Variants in AMMECR1 observed in about 807,000 individuals in gnomAD.
AMMECR1 encodes the protein AMMECR nuclear protein 1, also known as nuclear protein AMMECR1.
AMMECR1 carries 3 observed loss-of-function variants against 22.5 expected under a neutral mutation model. That is an observed-to-expected ratio of 0.13 (90% confidence interval 0.06 to 0.35). The LOEUF (loss-of-function observed/expected upper bound fraction) is 0.35. AMMECR1 is among the 10% of genes least tolerant of loss of function. AMMECR1 has a pLI of 1.00. For synonymous variants in AMMECR1, 130 were observed against 116.7 expected, an observed-to-expected ratio of 1.11 and a Z score of -0.74; for missense variants, 235 against 278.7, an observed-to-expected ratio of 0.84 and a Z score of 1.12.
rs181918378 is a variant in AMMECR1 at position 110,261,097 on chromosome X, G to C, written c.584+3392C>G. On this transcript the variant is annotated intron_variant, in intron 2 of 5. Coordinates refer to ENST00000262844, the MANE Select transcript of AMMECR1 (RefSeq NM_015365.3). Reference sequence around the variant, plus strand: ...GTTTCAGTTGGGGAAGATGAAAAACGTTCTGGAGATGGATGGTGGTGATGA... The same window carrying C: ...GTTTCAGTTGGGGAAGATGAAAAACCTTCTGGAGATGGATGGTGGTGATGA... Among the ~76,000 whole-genome samples, 556 of 111,071 alleles carry C rather than the reference G, an allele frequency of 5.0e-3. 3 individuals carry two copies. The highest frequency in any genetic ancestry group is 0.023 in the Middle Eastern group (5 of 216).
chrX:110,362,411 A>G (rs777695041), intron 2 of AMMECR1, among the ~76,000 whole-genome samples: 1 of 111,925 alleles, frequency 8.9e-6, no homozygotes, highest in African/African-American at 3.2e-5. Context: ...TAACTCAAAT[A>G]CTCTGTACTA....
chrX:110,320,772 T>C (rs2068075708), upstream of AMMECR1, among the ~76,000 whole-genome samples: 1 of 112,228 alleles, frequency 8.9e-6, no homozygotes, highest in African/African-American at 3.2e-5. Context: ...ATTCCAAACC[T>C]CACTAGCATA....
chrX:110,375,243 A>G (rs1480636210), intron 2 of AMMECR1, among the ~76,000 whole-genome samples: 3 of 112,248 alleles, frequency 2.7e-5, no homozygotes, highest in Non-Finnish European at 5.6e-5. Context: ...AGTGGGAAAT[A>G]TAAGAAAGAA....
intron 2 of AMMECR1, among the ~76,000 whole-genome samples, chrX:110,425,975 TGC>T (rs1182174901): frequency 9.1e-6 from 1 of 109,991 alleles, no homozygotes; most frequent in African/African-American, 3.4e-5. Context: ...AGTGCGTGCG[TGC>T]GCGCACACAC....
chrX:110,317,885 C>T lies in AMMECR1; in HGVS notation c.187G>A (p.Gly63Ser), dbSNP rs1323087628. The change falls in exon 1 of 6, where the codon GGT (glycine) becomes AGT (serine). Residue 63 changes from glycine (G) to serine (S), a missense_variant. This residue lies in a region of AMMECR1 where 124 missense variants were observed against 97.0 expected (regional missense o/e 1.28). Coordinates refer to ENST00000262844, the MANE Select transcript of AMMECR1 (RefSeq NM_015365.3). ...GAGAGGGTACAGCCGCTGCCGCTAC[C>T]TCCTCCGGTTAGACCTCCCAGCCCG... Reference protein sequence around the residue: ...LNGLGGLTGGGSGSGCTLSPP... With the variant: ...LNGLGGLTGGSSGSGCTLSPP... 4.2e-6 allele frequency: 5 copies of T among 1,189,096 alleles called. No individual in the cohort carries two copies. Among genetic ancestry groups the T allele is most frequent in the Non-Finnish European group, 5.7e-6 (5 of 884,200 alleles).
At chrX:110,331,301 C>A (rs2068119886) in intron 2 of AMMECR1, among the ~76,000 whole-genome samples, 1 of 108,063 alleles carries the variant, frequency 9.3e-6, no homozygotes, top group African/African-American at 3.4e-5. Flanking sequence ...ACCCTGACTT[C>A]TGTAACCAAG....
chrX:110,353,292 T>G (rs978210975), intron 2 of AMMECR1, among the ~76,000 whole-genome samples: 2 of 112,258 alleles, frequency 1.8e-5, no homozygotes, highest in South Asian at 7.3e-4. Context: ...TTTCTAAATT[T>G]TTTTAGTCTC....
At chrX:110,242,779 T>C (rs2067640070) in intron 2 of AMMECR1, among the ~76,000 whole-genome samples, 1 of 112,309 alleles carries the variant, frequency 8.9e-6, no homozygotes, top group Non-Finnish European at 1.9e-5. Context: ...TAGAATATTA[T>C]ACAAGTTATA....
At chrX:110,405,090 C>G (rs1043249584) in intron 2 of AMMECR1, among the ~76,000 whole-genome samples, 1 of 60,263 alleles carries the variant, frequency 1.7e-5, no homozygotes, top group African/African-American at 1.7e-4. Flanking sequence ...TTGTTGTGTC[C>G]CCCCCCCCCC....
intron 1 of AMMECR1, among the ~76,000 whole-genome samples, chrX:110,271,990 C>A (rs2067801364): frequency 9.0e-6 from 1 of 110,777 alleles, no homozygotes; most frequent in East Asian, 2.8e-4. Flanking sequence ...CCAAAGCGGG[C>A]TGATCACGAG....
intron 2 of AMMECR1, among the ~76,000 whole-genome samples, chrX:110,260,480 A>T (rs1429412485): frequency 1.8e-5 from 2 of 111,094 alleles, no homozygotes; most frequent in African/African-American, 6.5e-5. Context: ...ACCCGGTCAT[A>T]TTTGAACATA....
chrX:110,353,505 T>C (rs1217612889), intron 2 of AMMECR1, among the ~76,000 whole-genome samples: 1 of 111,656 alleles, frequency 9.0e-6, no homozygotes, highest in Non-Finnish European at 1.9e-5. Flanking sequence ...TGGAGTGTTA[T>C]GTTTCCATTC....
intron 2 of AMMECR1, among the ~76,000 whole-genome samples, chrX:110,416,875 C>T (rs1306384247): frequency 1.8e-5 from 2 of 111,580 alleles, no homozygotes; most frequent in Non-Finnish European, 3.8e-5. Flanking sequence ...CTTATGATTT[C>T]AGAGCTGAAC....
chrX:110,288,501 G>A (rs984279482), intron 1 of AMMECR1, among the ~76,000 whole-genome samples: 2 of 112,101 alleles, frequency 1.8e-5, no homozygotes, highest in African/African-American at 6.5e-5. Context: ...GAAACTGACA[G>A]AATACTGGAG....
intron 1 of AMMECR1, among the ~76,000 whole-genome samples, chrX:110,437,955 C>T (rs189073582): frequency 1.8e-3 from 204 of 111,815 alleles, no homozygotes; most frequent in Non-Finnish European, 2.9e-3. Context: ...GATTATTCCT[C>T]CTTCTTGTAC....
At chrX:110,408,234 C>G (rs998183138) in intron 2 of AMMECR1, among the ~76,000 whole-genome samples, 7 of 112,335 alleles carry the variant, frequency 6.2e-5, no homozygotes, top group Admixed American at 2.8e-4. Context: ...TCCTTGGAGG[C>G]AAGGGTGAAG....
At chrX:110,344,269 G>T (rs2068178311) in intron 2 of AMMECR1, among the ~76,000 whole-genome samples, 1 of 112,165 alleles carries the variant, frequency 8.9e-6, no homozygotes, top group Non-Finnish European at 1.9e-5. Flanking sequence ...AACAAATGGT[G>T]CTGGGAAAAC....
At chrX:110,375,662 A>G (rs977668327) in intron 2 of AMMECR1, among the ~76,000 whole-genome samples, 4 of 112,144 alleles carry the variant, frequency 3.6e-5, no homozygotes, top group Non-Finnish European at 7.5e-5. Context: ...TGAACTTAAA[A>G]CACTGAGCAA....
chrX:110,212,225 C>A (rs754513829), intron 3 of AMMECR1, among the ~76,000 whole-genome samples: 1 of 111,818 alleles, frequency 8.9e-6, no homozygotes, highest in Admixed American at 9.5e-5. Flanking sequence ...TAGCCAGACG[C>A]GTGGCAATTC....
Sources: allele counts gnomAD v4.1 joint callset (sites outside exome capture counted in the v4.1 genomes callset), GRCh38; gene constraint gnomAD v4.1.1; regional missense constraint gnomAD v4.1.1; transcripts MANE v1.5; gene names NCBI Gene and HGNC (gene_info 2026-07-23, HGNC 2026-07-21).